The following HOOK3 variants were observed in gnomAD, a reference collection of about 807,000 sequenced individuals.
HOOK3 encodes the protein protein Hook homolog 3.
Under a neutral mutation model 116.3 loss-of-function variants are expected in HOOK3, and 24 were observed. The ratio of observed to expected loss-of-function variants is 0.21; its 90% confidence interval spans 0.15 to 0.29. The LOEUF is 0.29. HOOK3 is among the 10% of genes least tolerant of loss of function. HOOK3 has a pLI of 1.00. For missense variants in HOOK3, 632 were observed against 830.2 expected (o/e 0.76, Z 2.93); for synonymous variants, 275 against 283.0 (o/e 0.97, Z 0.28).
rs1306045125 is a variant in HOOK3, at chr8:43,023,284, G to A, written c.*4786G>A. 5.6e-6 allele frequency: 1 copy of A among 178,854 alleles called. No homozygotes were observed. Among genetic ancestry groups the A allele is most frequent in the African/African-American group, 2.4e-5 (1 of 42,140 alleles). 11.1% of individuals were successfully genotyped at this position (178,854 alleles called of 1,614,324 possible). On this transcript the variant is annotated 3_prime_UTR_variant, in exon 22 of 22. Coordinates refer to ENST00000307602, the MANE Select transcript of HOOK3 (RefSeq NM_032410.4). ...TCACAGAAGAATGAAAATCCGTGCT[G>A]TGCAAATAGATCAGTAGTGAGTGAG... is the stretch of plus-strand genomic sequence containing the variant.
In HOOK3 at chr8:43,013,104, A is replaced by G. The variant is rs746710287; in HGVS notation, c.1893A>G (p.Gln631=). 3.7e-6 allele frequency: 6 copies of G among 1,613,622 alleles called. No individual in the cohort carries two copies. Among genetic ancestry groups the G allele is most frequent in the Non-Finnish European group, 5.1e-6 (6 of 1,179,702 alleles). The change falls in exon 20 of 22, where the codon CAA becomes CAG. Residue 631 remains glutamine, a synonymous_variant. Coordinates refer to ENST00000307602, the MANE Select transcript of HOOK3 (RefSeq NM_032410.4). ...ATCAAGGAGCAGCACCAGAAATACA[A>G]GCTCTTAAAAATCAGCTCCAGGAAC... is the stretch of plus-strand genomic sequence containing the variant. The part of the protein sequence containing the change: ...KQNQGAAPEI[Q]ALKNQLQERD...
chr8:42,961,590 G>C (rs897525267), intron 8 of HOOK3, among the ~76,000 whole-genome samples: 1 of 152,164 alleles, frequency 6.6e-6, no homozygotes, highest in Non-Finnish European at 1.5e-5. Context: ...TCAGAGGAGA[G>C]AGTCACTAGA....
intron 4 of HOOK3, among the ~76,000 whole-genome samples, chr8:42,931,633 T>C (rs1484204600): frequency 1.3e-5 from 2 of 151,320 alleles, no homozygotes; most frequent in East Asian, 3.9e-4. Flanking sequence ...GGGGTTTCAC[T>C]GTGTTAGCCA....
chr8:43,009,845 A>G (rs184258774), intron 18 of HOOK3, among the ~76,000 whole-genome samples: 178 of 152,292 alleles, frequency 1.2e-3, no homozygotes, highest in African/African-American at 4.2e-3. Flanking sequence ...AGCCGCTAAT[A>G]ACTGCTATTC....
Position 43,029,902 on chromosome 8 carries a change from T to G in HOOK3, c.*11404T>G, listed in dbSNP as rs1809999452. The G allele has an allele frequency of 4.7e-6, 1 of 214,310 alleles. No homozygotes were observed. The highest frequency in any genetic ancestry group is 1.9e-4 in the South Asian group (1 of 5,394). The allele number at this position is 214,310 out of a possible 1,614,324, so 13.3% of individuals were successfully genotyped here. A position where few individuals can be genotyped will look rare whatever the true frequency, so the allele number is the denominator to read the frequency against. On this transcript the variant is annotated 3_prime_UTR_variant, in exon 22 of 22. Transcript: ENST00000307602. ...GTTCTGTGAATTGTTGTTAGTTTCA[T>G]ATTTGACATTGTAGTAATCCACCTT... is the stretch of plus-strand genomic sequence containing the variant.
intron 15 of HOOK3, among the ~76,000 whole-genome samples, chr8:42,996,412 AAAAG>A (rs976496022): frequency 6.6e-6 from 1 of 151,904 alleles, no homozygotes; most frequent in African/African-American, 2.4e-5. Flanking sequence ...AAGAAAAAGA[AAAAG>A]AAAAAAGAAA....
chr8:42,984,194 C>A (rs1653055502), intron 14 of HOOK3, among the ~76,000 whole-genome samples: 1 of 151,888 alleles, frequency 6.6e-6, no homozygotes, highest in Admixed American at 6.6e-5. Flanking sequence ...ATGGCGAAAC[C>A]CTGTCTCTAC....
Position 43,018,436 on chromosome 8 carries a change from A to G in HOOK3, c.2095A>G (p.Arg699Gly), listed in dbSNP as rs1809761968. The change falls in exon 22 of 22, where the codon AGG (arginine) becomes GGG (glycine). Residue 699 changes from arginine to glycine, a missense_variant. Coordinates refer to ENST00000307602, the MANE Select transcript of HOOK3 (RefSeq NM_032410.4). ...GSGQSFLARQRQATSSRRSYP... is the reference protein window; with the variant it reads ...GSGQSFLARQGQATSSRRSYP... ...AGGGCAGTCATTTCTGGCGAGGCAGAGGCAAGCGACCAGCAGCAGAAGATC... is the reference window on the plus strand; with the variant it reads ...AGGGCAGTCATTTCTGGCGAGGCAGGGGCAAGCGACCAGCAGCAGAAGATC... 6.2e-7 allele frequency: 1 copy of G among 1,613,906 alleles called. No homozygotes were observed.
intron 14 of HOOK3, 109 bp from the exon 15 acceptor site, chr8:42,986,546 T>C: frequency 1.4e-6 from 1 of 716,212 alleles, no homozygotes. Context: ...TCATTTCTGT[T>C]CTGGTATTAA....
At chr8:42,923,767 T>G (rs1807708193) in intron 2 of HOOK3, among the ~76,000 whole-genome samples, 1 of 152,232 alleles carries the variant, frequency 6.6e-6, no homozygotes, top group African/African-American at 2.4e-5. Flanking sequence ...CTGGCTATAC[T>G]AAAATGCATT....
Position 42,959,316 on chromosome 8 carries a change from TA to T in HOOK3, c.615+4del. The T allele has an allele frequency of 6.2e-7, 1 of 1,601,662 alleles. No homozygotes were observed. Among genetic ancestry groups the T allele is most frequent in the Non-Finnish European group, 8.6e-7 (1 of 1,168,882 alleles). ...AGATGCCATGAACTGGATATGCAGGTAAGAGATTTGTTCTGTGCACCACCTC... is the reference window on the plus strand; with the variant it reads ...AGATGCCATGAACTGGATATGCAGGTAGAGATTTGTTCTGTGCACCACCTC... On this transcript the variant is annotated splice_donor_region_variant and intron_variant, in intron 8 of 21. Transcript: ENST00000307602.
chr8:43,000,589 G>A (rs920877537), intron 16 of HOOK3, among the ~76,000 whole-genome samples: 4 of 151,986 alleles, frequency 2.6e-5, no homozygotes, highest in African/African-American at 7.3e-5. Flanking sequence ...CCCATGCTTT[G>A]GTAGGAACAG....
At chr8:42,992,872 A>G (rs1809194128) in intron 15 of HOOK3, among the ~76,000 whole-genome samples, 1 of 152,136 alleles carries the variant, frequency 6.6e-6, no homozygotes, top group African/African-American at 2.4e-5. Context: ...GAAAGTGAGC[A>G]TCCTTGTCCT....
intron 12 of HOOK3, 89 bp downstream of exon 12, chr8:42,973,488 G>T: frequency 1.3e-6 from 1 of 775,792 alleles, no homozygotes; most frequent in Non-Finnish European, 1.9e-6. Context: ...ATTCATTTAA[G>T]TTATGAATTT....
At chr8:42,994,726 CTTATAT>C (rs1236927366) in intron 15 of HOOK3, among the ~76,000 whole-genome samples, 2 of 151,998 alleles carry the variant, frequency 1.3e-5, no homozygotes, top group Non-Finnish European at 1.5e-5. Flanking sequence ...TAAATATTTT[CTTATAT>C]TTATGTTGCT....
intron 3 of HOOK3, 132 bp downstream of exon 3, chr8:42,925,761 A>C: frequency 3.3e-6 from 2 of 608,644 alleles, no homozygotes; most frequent in South Asian, 4.2e-5. Flanking sequence ...TGTAGAATTG[A>C]AGATTGAACT....
At chr8:42,916,387 G>T (rs1335626272) in intron 2 of HOOK3, among the ~76,000 whole-genome samples, 1 of 152,196 alleles carries the variant, frequency 6.6e-6, no homozygotes, top group African/African-American at 2.4e-5. Context: ...GTGCCCTGTA[G>T]TTCCATTGGA....
At position 43,018,534 on chromosome 8, in the gene HOOK3, C is replaced by A. The variant is rs759447437; in HGVS notation, c.*36C>A. The A allele has an allele frequency of 6.4e-7, 1 of 1,562,844 alleles. No homozygotes were observed. Among genetic ancestry groups the A allele is most frequent in the Non-Finnish European group, 8.6e-7 (1 of 1,157,396 alleles). On this transcript the variant is annotated 3_prime_UTR_variant, in exon 22 of 22. Coordinates refer to ENST00000307602, the MANE Select transcript of HOOK3 (RefSeq NM_032410.4). The stretch of plus-strand genomic sequence containing the variant: ...CCGCTCAATCACAGACACCTGCACC[C>A]ACAACATACTTCTGTTACACACAAG...
chr8:42,898,240 T>G (rs971170878), intron 1 of HOOK3, among the ~76,000 whole-genome samples: 1 of 152,160 alleles, frequency 6.6e-6, no homozygotes, highest in African/African-American at 2.4e-5. Flanking sequence ...AGTCTGAGGT[T>G]TTTATAGTTT....
Sources: allele counts gnomAD v4.1 joint callset (sites outside exome capture counted in the v4.1 genomes callset), GRCh38; gene constraint gnomAD v4.1.1; transcripts MANE v1.5; gene names NCBI Gene and HGNC (gene_info 2026-07-23, HGNC 2026-07-21).